MTAP: variants seen among roughly 807,000 people sequenced by gnomAD.
MTAP encodes the protein methylthioadenosine phosphorylase, also known as S-methyl-5'-thioadenosine phosphorylase.
Under a neutral mutation model 33.6 loss-of-function variants are expected in MTAP, and 33 were observed. The observed-to-expected ratio is 0.98, with a 90% CI of 0.74 to 1.31. The LOEUF is 1.31. MTAP is among the 40% of genes most tolerant of loss of function. The pLI is 0.00. For missense variants in MTAP, 367 were observed against 360.0 expected (o/e 1.02, Z -0.16); for synonymous variants, 148 against 125.7 (o/e 1.18, Z -1.19).
chr9:21,854,564 G>C, intron 5 of MTAP, 67 bp from the exon 6 acceptor site: 1 of 1,465,834 alleles, frequency 6.8e-7, no homozygotes, highest in Non-Finnish European at 9.0e-7. Flanking sequence ...TAAACATTGG[G>C]GGGAAGTGCA....
intron 5 of MTAP, among the ~76,000 whole-genome samples, chr9:21,845,113 G>A (rs1348718446): frequency 6.6e-6 from 1 of 151,452 alleles, no homozygotes; most frequent in Non-Finnish European, 1.5e-5. Context: ...TTCCCTCTGA[G>A]AACTGAAACA....
downstream of MTAP, among the ~76,000 whole-genome samples, chr9:21,939,149 T>C (rs1333178617): frequency 6.6e-6 from 1 of 152,154 alleles, no homozygotes; most frequent in Non-Finnish European, 1.5e-5. Context: ...TCTTCCTCAT[T>C]TCACCATCAG....
In MTAP at chr9:21,894,706, T is replaced by C. The variant is rs549009819; in HGVS notation, c.148-36302T>C. Among the ~76,000 whole-genome samples, 8 of 151,968 alleles carry C rather than the reference T, an allele frequency of 5.3e-5. No homozygotes were observed. The South Asian group carries it at 1.0e-3, about 20-fold the overall frequency. On this transcript the variant is annotated intron_variant, in intron 1 of 1. Coordinates refer to the MTAP transcript ENST00000577563. ...CACATGTATACATATGTAACAAACC[T>C]GCACGTTGTGCACATGTACCCTAGA...
rs1824487976 is a variant in MTAP, at chr9:21,816,850, A to G, written c.179+78A>G. 5 of 1,249,734 alleles carry G rather than the reference A, an allele frequency of 4.0e-6. No homozygotes were observed. The African/African-American group carries it at 4.5e-5, about 11-fold the overall frequency. The allele number at this position is 1,249,734 out of a possible 1,614,324, so 77.4% of individuals were successfully genotyped here. On this transcript the variant is annotated intron_variant, in intron 3 of 7. Transcript: ENST00000644715. ...AACTTAAATTCTGGAAAGAGTAAAG[A>G]TACAGGTCTGAGCTTTTATATGTTG... is the stretch of plus-strand genomic sequence containing the variant.
intron 4 of MTAP, among the ~76,000 whole-genome samples, chr9:21,826,481 G>A (rs1015809496): frequency 1.3e-5 from 2 of 151,680 alleles, no homozygotes; most frequent in African/African-American, 4.8e-5. Flanking sequence ...TAGTTCTGGT[G>A]GCCTGATCAG....
rs546924554 is a variant in MTAP, at chr9:21,802,831, T to C, written c.33+50T>C. 9.3e-6 allele frequency: 15 copies of C among 1,607,214 alleles called. No homozygotes were observed. In the South Asian group the frequency reaches 1.4e-4, roughly 15 times the overall value. On this transcript the variant is annotated intron_variant, in intron 1 of 7. Transcript: ENST00000644715. ...GCGGTTCGCCCTGCCGGATGCCTTC[T>C]CGCCCCCGCGCCGGGGGACCGCGCC...
chr9:21,832,243 C>T (rs1298753489), intron 4 of MTAP, among the ~76,000 whole-genome samples: 1 of 152,222 alleles, frequency 6.6e-6, no homozygotes, highest in African/African-American at 2.4e-5. Flanking sequence ...CAGAGACCAG[C>T]CCTGCCTTGG....
chr9:21,910,295 G>T (rs1818549686), intron 1 of MTAP, among the ~76,000 whole-genome samples: 1 of 151,780 alleles, frequency 6.6e-6, no homozygotes, highest in Non-Finnish European at 1.5e-5. Flanking sequence ...CTTAGCATGA[G>T]GGAGGAAGAA....
chr9:21,876,605 A>G (rs931342738), intron 1 of MTAP, among the ~76,000 whole-genome samples: 1 of 152,124 alleles, frequency 6.6e-6, no homozygotes, highest in African/African-American at 2.4e-5. Flanking sequence ...AGTTATCCCA[A>G]CACCATTTAT....
chr9:21,928,993 A>G (rs77194985), intron 1 of MTAP, among the ~76,000 whole-genome samples: 18,879 of 151,966 alleles, frequency 0.12, 3,839 homozygotes, highest in African/African-American at 0.43. Flanking sequence ...CGGAAGGGGA[A>G]ACAATCCCAG....
intron 1 of MTAP, among the ~76,000 whole-genome samples, chr9:21,894,838 G>A (rs1421864660): frequency 6.6e-6 from 1 of 151,508 alleles, no homozygotes; most frequent in Non-Finnish European, 1.5e-5. Flanking sequence ...AACATTTTAG[G>A]GTACAAAATC....
intron 1 of MTAP, among the ~76,000 whole-genome samples, chr9:21,872,185 C>T (rs751688043): frequency 6.6e-6 from 1 of 152,114 alleles, no homozygotes; most frequent in Non-Finnish European, 1.5e-5. Context: ...TGATGGTAGG[C>T]ACCTGTAATC....
chr9:21,929,416 G>T (rs985458671), intron 1 of MTAP: 1 of 160,736 alleles, frequency 6.2e-6, no homozygotes, highest in East Asian at 1.7e-4. Flanking sequence ...AGCTTGCTTT[G>T]TGATCAATTT....
rs530044831 is a variant in MTAP, at chr9:21,885,432, T to C, written c.147+30562T>C. Among the ~76,000 whole-genome samples, 14 of 150,656 alleles carry C rather than the reference T, an allele frequency of 9.3e-5. 1 individual carries two copies. In the South Asian group the frequency reaches 2.9e-3, roughly 31 times the overall value. On this transcript the variant is annotated intron_variant, in intron 1 of 1. Transcript: ENST00000577563. The stretch of plus-strand genomic sequence containing the variant: ...TGGGGTGGGGCCCAATAATTTGCAT[T>C]TTTTTTTATTTCAATAGTTTTTGGG...
intron 5 of MTAP, among the ~76,000 whole-genome samples, chr9:21,840,318 A>T (rs933721076): frequency 6.6e-6 from 1 of 152,222 alleles, no homozygotes; most frequent in African/African-American, 2.4e-5. Context: ...TTTTGTTCCA[A>T]GAACCACTGT....
At chr9:21,827,719 C>T (rs1417207595) in intron 4 of MTAP, among the ~76,000 whole-genome samples, 2 of 152,176 alleles carry the variant, frequency 1.3e-5, no homozygotes, top group African/African-American at 4.8e-5. Flanking sequence ...TTTGCTCTGT[C>T]AGTAATTTTT....
chr9:21,879,584 TC>T (rs1284189961), intron 1 of MTAP, among the ~76,000 whole-genome samples: 1 of 152,146 alleles, frequency 6.6e-6, no homozygotes, highest in Admixed American at 6.6e-5. Context: ...GTGGATTTGA[TC>T]CTGTCATTGT....
At chr9:21,891,493 A>G (rs1818200082) in intron 1 of MTAP, among the ~76,000 whole-genome samples, 1 of 152,198 alleles carries the variant, frequency 6.6e-6, no homozygotes, top group Non-Finnish European at 1.5e-5. Context: ...AAAATTCCAT[A>G]ATACCATCAG....
intron 5 of MTAP, among the ~76,000 whole-genome samples, chr9:21,849,629 G>A (rs1693124815): frequency 6.6e-6 from 1 of 152,218 alleles, no homozygotes; most frequent in African/African-American, 2.4e-5. Flanking sequence ...TAGAAAAATA[G>A]TAAAGCAAAA....
Sources: gnomAD v4.1 joint callset for allele counts (sites outside exome capture counted in the v4.1 genomes callset) on GRCh38, gnomAD v4.1.1 for gene constraint, MANE v1.5 for transcripts, NCBI Gene and HGNC (gene_info 2026-07-23, HGNC 2026-07-21) for gene names.